LHFPL3: variants seen among roughly 807,000 people sequenced by gnomAD.
The protein encoded by LHFPL3 is LHFPL tetraspan subfamily member 3, also known as LHFPL tetraspan subfamily member 3 protein.
Under a neutral mutation model 19.3 loss-of-function variants are expected in LHFPL3, and 5 were observed. The observed-to-expected ratio is 0.26, with a 90% CI of 0.14 to 0.54. The LOEUF is 0.54. Ranked by LOEUF, LHFPL3 falls within the 20% of genes least tolerant of loss-of-function variation. The pLI, the probability that LHFPL3 is intolerant of heterozygous loss-of-function variation, is 0.94. For synonymous variants in LHFPL3, 133 were observed against 126.2 expected, an observed-to-expected ratio of 1.05 and a Z score of -0.36; for missense variants, 249 against 307.4, an observed-to-expected ratio of 0.81 and a Z score of 1.42.
chr7:104,505,354 T>C (rs1394381335), intron 1 of LHFPL3, among the ~76,000 whole-genome samples: 2 of 152,220 alleles, frequency 1.3e-5, no homozygotes, highest in African/African-American at 4.8e-5. Context: ...AGCTTTCACA[T>C]TGCTGATGCT....
chr7:104,370,424 C>G (rs1029562749), intron 1 of LHFPL3, among the ~76,000 whole-genome samples: 3 of 152,180 alleles, frequency 2.0e-5, no homozygotes, highest in African/African-American at 4.8e-5. Context: ...CCTTTCCATA[C>G]CACTGGCAGA....
chr7:104,657,737 C>T (rs1792146100), intron 1 of LHFPL3, among the ~76,000 whole-genome samples: 1 of 152,206 alleles, frequency 6.6e-6, no homozygotes. Flanking sequence ...CTCCATCTTC[C>T]ATCTCTGGAG....
At chr7:104,444,999 AAAG>A (rs1792302867) in intron 1 of LHFPL3, among the ~76,000 whole-genome samples, 1 of 152,126 alleles carries the variant, frequency 6.6e-6, no homozygotes, top group Non-Finnish European at 1.5e-5. Context: ...CAAAAAAAAA[AAAG>A]AATATTTATC....
chr7:104,339,733 C>G (rs191526073), intron 1 of LHFPL3, among the ~76,000 whole-genome samples: 1 of 152,214 alleles, frequency 6.6e-6, no homozygotes, highest in African/African-American at 2.4e-5. Context: ...GTCAAGCATA[C>G]TTATGTAGCC....
intron 2 of LHFPL3, among the ~76,000 whole-genome samples, chr7:104,784,241 G>A (rs891271020): frequency 1.3e-5 from 2 of 152,128 alleles, no homozygotes; most frequent in Non-Finnish European, 2.9e-5. Flanking sequence ...TGGGAACTTG[G>A]GGAAATGAGC....
At chr7:104,678,318 C>T (rs1046152409) in intron 1 of LHFPL3, among the ~76,000 whole-genome samples, 6 of 152,116 alleles carry the variant, frequency 3.9e-5, no homozygotes, top group Admixed American at 2.0e-4. Flanking sequence ...AAGACTCTGA[C>T]GCCCAGAGTA....
chr7:104,867,559 C>A (rs1327616249), intron 2 of LHFPL3, among the ~76,000 whole-genome samples: 13 of 152,154 alleles, frequency 8.5e-5, no homozygotes, highest in Non-Finnish European at 2.9e-5. Flanking sequence ...AGACCAATAA[C>A]AGACTCTGAA....
intron 1 of LHFPL3, among the ~76,000 whole-genome samples, chr7:104,434,563 A>G (rs887946269): frequency 1.3e-5 from 2 of 152,224 alleles, no homozygotes; most frequent in Non-Finnish European, 2.9e-5. Context: ...TGCAAGATCA[A>G]TCAGTATCCC....
intron 1 of LHFPL3, among the ~76,000 whole-genome samples, chr7:104,682,442 G>T (rs762600769): frequency 3.0e-4 from 46 of 152,198 alleles, no homozygotes; most frequent in Admixed American, 2.0e-4. Flanking sequence ...GAAAAGCATA[G>T]TTATTAGCCT....
chr7:104,441,812 G>C (rs1481298353), intron 1 of LHFPL3, among the ~76,000 whole-genome samples: 1 of 152,178 alleles, frequency 6.6e-6, no homozygotes. Flanking sequence ...CTGACCTCAT[G>C]ATCCGCCCAC....
intron 1 of LHFPL3, among the ~76,000 whole-genome samples, chr7:104,440,040 G>GGGT (rs1792189548): frequency 7.0e-6 from 1 of 143,510 alleles, no homozygotes; most frequent in Admixed American, 7.0e-5. Context: ...AAGCCTGGGG[G>GGGT]GGGGGAGGGA....
chr7:104,827,288 C>T (rs1382511579), intron 2 of LHFPL3, among the ~76,000 whole-genome samples: 1 of 152,002 alleles, frequency 6.6e-6, no homozygotes, highest in African/African-American at 2.4e-5. Context: ...CCTGGTCTTG[C>T]AAAGCCTTTC....
chr7:104,760,089 C>T (rs1389392310), intron 2 of LHFPL3, among the ~76,000 whole-genome samples: 3 of 152,256 alleles, frequency 2.0e-5, no homozygotes, highest in Non-Finnish European at 2.9e-5. Context: ...CCAGAGGTTC[C>T]GATTCAGCGA....
intron 1 of LHFPL3, among the ~76,000 whole-genome samples, chr7:104,650,409 T>G (rs1792010628): frequency 6.6e-6 from 1 of 152,192 alleles, no homozygotes; most frequent in African/African-American, 2.4e-5. Flanking sequence ...AAATCATTGT[T>G]CCTCACTGCT....
chr7:104,772,486 A>G (rs948462997), intron 2 of LHFPL3, among the ~76,000 whole-genome samples: 6 of 151,766 alleles, frequency 4.0e-5, no homozygotes, highest in Non-Finnish European at 8.8e-5. Flanking sequence ...CACCAGCCCT[A>G]CAAGGACACC....
chr7:104,731,125 C>A (rs981202540), intron 1 of LHFPL3, among the ~76,000 whole-genome samples: 14 of 152,160 alleles, frequency 9.2e-5, no homozygotes, highest in Admixed American at 5.9e-4. Context: ...GGTACCAGTA[C>A]CATGCTGTTT....
At chr7:104,535,674 G>T (rs923793504) in intron 1 of LHFPL3, among the ~76,000 whole-genome samples, 38 of 152,164 alleles carry the variant, frequency 2.5e-4, no homozygotes, top group African/African-American at 8.7e-4. Flanking sequence ...AAACAAAAAA[G>T]CCCTGTGCCC....
chr7:104,731,949 G>A (rs1223039052), intron 1 of LHFPL3, among the ~76,000 whole-genome samples: 3 of 152,108 alleles, frequency 2.0e-5, no homozygotes, highest in Non-Finnish European at 4.4e-5. Context: ...GTTGAATTTT[G>A]TCAAAGGCCT....
intron 2 of LHFPL3, among the ~76,000 whole-genome samples, chr7:104,847,388 CAG>C (rs923630729): frequency 7.9e-5 from 12 of 152,350 alleles, no homozygotes; most frequent in South Asian, 6.2e-4. Flanking sequence ...CAGCTTTCAG[CAG>C]AGTTTTGAGA....
Sources: allele counts gnomAD v4.1 joint callset (sites outside exome capture counted in the v4.1 genomes callset), GRCh38; gene constraint gnomAD v4.1.1; transcripts MANE v1.5; gene names NCBI Gene and HGNC (gene_info 2026-07-23, HGNC 2026-07-21).